GRIN3A: variants seen among roughly 807,000 people sequenced by gnomAD.
The protein encoded by GRIN3A is glutamate ionotropic receptor NMDA type subunit 3A.
Under a neutral mutation model 92.4 loss-of-function variants are expected in GRIN3A, and 47 were observed. That is an observed-to-expected ratio of 0.51 (90% CI 0.40 to 0.65). The LOEUF is 0.65. Ranked by LOEUF, GRIN3A falls within the 30% of genes least tolerant of loss-of-function variation. The pLI, the probability that GRIN3A is intolerant of heterozygous loss-of-function variation, is 0.00. For synonymous variants in GRIN3A, 527 were observed against 540.6 expected, an observed-to-expected ratio of 0.97 and a Z score of 0.35; for missense variants, 1,324 against 1,393.1, an observed-to-expected ratio of 0.95 and a Z score of 0.79.
intron 3 of GRIN3A, among the ~76,000 whole-genome samples, chr9:101,642,954 T>A (rs970316132): frequency 2.6e-5 from 4 of 152,116 alleles, no homozygotes; most frequent in Admixed American, 6.6e-5. Context: ...TACATTATGA[T>A]GAGTTGTGTA....
At chr9:101,610,625 CATCT>C (rs963538493) in intron 6 of GRIN3A, among the ~76,000 whole-genome samples, 4 of 141,626 alleles carry the variant, frequency 2.8e-5, no homozygotes, top group South Asian at 2.3e-4. Context: ...ATCTATCTAT[CATCT>C]ATCTATCTAC....
chr9:101,674,346 C>T (rs1022175015), intron 2 of GRIN3A, among the ~76,000 whole-genome samples: 1 of 152,074 alleles, frequency 6.6e-6, no homozygotes, highest in Non-Finnish European at 1.5e-5. Flanking sequence ...AACAATGCTT[C>T]TTCCTTCTTT....
intron 3 of GRIN3A, among the ~76,000 whole-genome samples, chr9:101,638,056 T>C (rs531033549): frequency 7.2e-5 from 11 of 152,364 alleles, no homozygotes; most frequent in African/African-American, 2.6e-4. Context: ...TTCTAGTCTT[T>C]ATTTTCTTTT....
intron 6 of GRIN3A, among the ~76,000 whole-genome samples, chr9:101,591,207 C>T (rs968520531): frequency 2.0e-4 from 30 of 152,152 alleles, no homozygotes; most frequent in Non-Finnish European, 3.1e-4. Context: ...AAAACTGTCT[C>T]GTCTAACATA....
intron 1 of GRIN3A, among the ~76,000 whole-genome samples, chr9:101,696,802 G>A (rs1378293575): frequency 6.6e-6 from 1 of 152,066 alleles, no homozygotes; most frequent in Non-Finnish European, 1.5e-5. Flanking sequence ...ATGCTAATTT[G>A]CTTTATTGCA....
intron 1 of GRIN3A, 25 bp downstream of exon 1, chr9:101,737,256 A>C (rs1830219941): frequency 1.2e-6 from 2 of 1,601,492 alleles, no homozygotes; most frequent in African/African-American, 1.3e-5. Flanking sequence ...GCCCATCTCC[A>C]CTCCACGCAC....
chr9:101,719,777 A>G (rs575491227), intron 1 of GRIN3A, among the ~76,000 whole-genome samples: 2 of 152,220 alleles, frequency 1.3e-5, no homozygotes, highest in Non-Finnish European at 2.9e-5. Context: ...CAGTATTTCA[A>G]CCCACTACCC....
At chr9:101,712,186 CTTAA>C (rs1385823545) in intron 1 of GRIN3A, among the ~76,000 whole-genome samples, 1 of 152,172 alleles carries the variant, frequency 6.6e-6, no homozygotes. Context: ...CAAGTTTGTA[CTTAA>C]TTAACAATTC....
At chr9:101,625,373 A>G (rs1828618043) in intron 4 of GRIN3A, among the ~76,000 whole-genome samples, 1 of 152,206 alleles carries the variant, frequency 6.6e-6, no homozygotes, top group Non-Finnish European at 1.5e-5. Flanking sequence ...GAATATGACT[A>G]GAATTCATAG....
intron 6 of GRIN3A, among the ~76,000 whole-genome samples, chr9:101,589,329 G>A (rs56742090): frequency 0.055 from 8,429 of 152,186 alleles, 321 homozygotes; most frequent in South Asian, 0.1. Context: ...CAATGAGTGA[G>A]ATTACCTGGT....
At position 101,639,902 on chromosome 9, in the gene GRIN3A, A is replaced by G. The variant is rs560403528; in HGVS notation, c.2353-11501T>C. Among the ~76,000 whole-genome samples the G allele has an allele frequency of 1.4e-4, 22 of 152,312 alleles. No individual in the cohort carries two copies. In the South Asian group the frequency reaches 4.1e-3, roughly 29 times the overall value. On this transcript the variant is annotated intron_variant, in intron 3 of 8. Transcript: ENST00000361820. The stretch of plus-strand genomic sequence containing the variant: ...AAACTACTGAATAACAATAAAAAGA[A>G]AAATCCTTTCCTCTTGCTTTATTTT...
chr9:101,679,129 C>T (rs1829436453), intron 2 of GRIN3A, among the ~76,000 whole-genome samples: 1 of 152,140 alleles, frequency 6.6e-6, no homozygotes, highest in South Asian at 2.1e-4. Flanking sequence ...CAGTATTTAC[C>T]AGTCAAACAT....
At chr9:101,678,387 GTT>G (rs1196622330) in intron 2 of GRIN3A, among the ~76,000 whole-genome samples, 1 of 152,138 alleles carries the variant, frequency 6.6e-6, no homozygotes, top group Non-Finnish European at 1.5e-5. Flanking sequence ...ATGAGAAGGA[GTT>G]TAATAGGGTT....
At chr9:101,684,722 C>T (rs1829508688) in intron 2 of GRIN3A, among the ~76,000 whole-genome samples, 1 of 152,136 alleles carries the variant, frequency 6.6e-6, no homozygotes, top group African/African-American at 2.4e-5. Flanking sequence ...ATATTCTTCT[C>T]TGTAGTTTCT....
chr9:101,640,769 C>T (rs1435994046), intron 3 of GRIN3A, among the ~76,000 whole-genome samples: 2 of 152,150 alleles, frequency 1.3e-5, no homozygotes, highest in Non-Finnish European at 2.9e-5. Flanking sequence ...AGGAGGTTCC[C>T]TGCACAGGCT....
intron 1 of GRIN3A, among the ~76,000 whole-genome samples, chr9:101,700,388 C>T (rs1478416868): frequency 1.3e-5 from 2 of 152,114 alleles, no homozygotes; most frequent in Admixed American, 6.6e-5. Flanking sequence ...CCCATAAAAT[C>T]GTATTCTATC....
intron 2 of GRIN3A, among the ~76,000 whole-genome samples, chr9:101,682,686 A>G (rs1829473183): frequency 6.6e-6 from 1 of 152,344 alleles, no homozygotes; most frequent in South Asian, 2.1e-4. Flanking sequence ...ACTAACATTT[A>G]AAAAAACAAC....
intron 2 of GRIN3A, among the ~76,000 whole-genome samples, chr9:101,677,215 C>T (rs1474736654): frequency 6.6e-6 from 1 of 151,888 alleles, no homozygotes; most frequent in Non-Finnish European, 1.5e-5. Context: ...TCAGGGCTTT[C>T]CCCTAAACTC....
chr9:101,644,654 C>T lies in GRIN3A; in HGVS notation c.2353-16253G>A, dbSNP rs79118829. Among the ~76,000 whole-genome samples the T allele has an allele frequency of 8.4e-3, 1,274 of 151,716 alleles. 8 individuals carry two copies. The highest frequency in any genetic ancestry group is 0.023 in the South Asian group (111 of 4,816). ...CATTTATTTAATCCGACAAGTAATT[C>T]GTGACTCCATTCTCACTGTAAAACT... On this transcript the variant is annotated intron_variant, in intron 3 of 8. Coordinates refer to ENST00000361820, the MANE Select transcript of GRIN3A (RefSeq NM_133445.3).
Sources: gnomAD v4.1 joint callset for allele counts (sites outside exome capture counted in the v4.1 genomes callset) on GRCh38, gnomAD v4.1.1 for gene constraint, MANE v1.5 for transcripts, NCBI Gene and HGNC (gene_info 2026-07-23, HGNC 2026-07-21) for gene names.